The following APBA2 variants were observed in gnomAD, a reference collection of about 807,000 sequenced individuals.
The protein encoded by APBA2 is amyloid-beta A4 precursor protein-binding family A member 2.
APBA2 carries 30 observed loss-of-function variants against 75.0 expected under a neutral mutation model. That is an observed-to-expected ratio of 0.40 (90% confidence interval 0.30 to 0.54). The LOEUF (loss-of-function observed/expected upper bound fraction) is 0.54, where lower values mean the gene tolerates loss of function less well. Among genes scored for constraint, APBA2 ranks in the 20% least tolerant of loss-of-function variants. The pLI is 0.49. For missense variants in APBA2, 801 were observed against 1,016.1 expected, an observed-to-expected ratio of 0.79 and a Z score of 2.88; for synonymous variants, 444 against 409.6, an observed-to-expected ratio of 1.08 and a Z score of -1.01.
At chr15:28,912,346 T>G (rs1451928317) in intron 1 of APBA2, among the ~76,000 whole-genome samples, 1 of 152,224 alleles carries the variant, frequency 6.6e-6, no homozygotes, top group African/African-American at 2.4e-5. Context: ...TCTATCCTTT[T>G]GTGCTTTGAA....
chr15:28,941,161 G>A (rs1314708870), intron 2 of APBA2, among the ~76,000 whole-genome samples: 15 of 152,156 alleles, frequency 9.9e-5, no homozygotes, highest in South Asian at 4.1e-4. Context: ...TATGCAGGCC[G>A]CACTACTGGG....
intron 2 of APBA2, among the ~76,000 whole-genome samples, chr15:28,922,536 T>TCAGTGCAGTGCACAATGGGGCCACA (rs1427522218): frequency 2.0e-5 from 3 of 152,166 alleles, no homozygotes; most frequent in African/African-American, 7.2e-5. Flanking sequence ...GTGGAATATC[T>TCAGTGCAGTGCACAATGGGGCCACA]CAGTGCAGTG....
intron 2 of APBA2, among the ~76,000 whole-genome samples, chr15:28,938,419 T>G (rs993251652): frequency 1.3e-5 from 2 of 152,228 alleles, no homozygotes; most frequent in African/African-American, 2.4e-5. Context: ...ATGCTGACTT[T>G]TGTGTGGGAC....
At chr15:29,113,760 T>C in intron 13 of APBA2, 116 bp from the exon 14 acceptor site, 1 of 1,341,386 alleles carries the variant, frequency 7.5e-7, no homozygotes, top group Non-Finnish European at 1.0e-6. Context: ...GAATTGCACG[T>C]GCACGTATTC....
At chr15:28,904,743 C>T (rs935718136) in intron 1 of APBA2, among the ~76,000 whole-genome samples, 14 of 152,206 alleles carry the variant, frequency 9.2e-5, no homozygotes, top group Admixed American at 7.2e-4. Context: ...GTCTGCAGCA[C>T]GCAGACTCCC....
At chr15:29,086,789 CTTAG>C (rs1388854637) in intron 6 of APBA2, among the ~76,000 whole-genome samples, 1 of 152,196 alleles carries the variant, frequency 6.6e-6, no homozygotes, top group African/African-American at 2.4e-5. Flanking sequence ...TCATTTTTCT[CTTAG>C]TTATTTGGAC....
At chr15:28,938,839 A>G (rs1037265553) in intron 2 of APBA2, among the ~76,000 whole-genome samples, 8 of 152,230 alleles carry the variant, frequency 5.3e-5, no homozygotes, top group African/African-American at 1.9e-4. Flanking sequence ...AAGCATATAC[A>G]TTATTAATTG....
intron 1 of APBA2, among the ~76,000 whole-genome samples, chr15:28,897,821 G>T (rs951337890): frequency 6.6e-6 from 1 of 152,084 alleles, no homozygotes; most frequent in Non-Finnish European, 1.5e-5. Flanking sequence ...AGTGAAATGG[G>T]CATATGGGCA....
intron 1 of APBA2, among the ~76,000 whole-genome samples, chr15:28,897,761 C>G (rs1475562674): frequency 3.3e-5 from 5 of 152,012 alleles, no homozygotes; most frequent in African/African-American, 1.2e-4. Context: ...TTAACTAAAG[C>G]CAAGCTTACA....
chr15:29,089,817 C>G lies in APBA2; in HGVS notation c.1070-3258C>G, dbSNP rs527492199. On this transcript the variant is annotated intron_variant, in intron 6 of 14. Transcript: ENST00000683413. ...TACGGTGTGAAAAGGATAAATCACT[C>G]TCTGGGGAGACAAGATCTTTAAACC... is the stretch of plus-strand genomic sequence containing the variant. Among the ~76,000 whole-genome samples the G allele has an allele frequency of 9.2e-5, 14 of 152,324 alleles. 1 individual carries two copies. In the South Asian group the frequency reaches 1.2e-3, roughly 14 times the overall value.
chr15:28,973,405 A>G (rs2037172604), intron 2 of APBA2, among the ~76,000 whole-genome samples: 1 of 152,226 alleles, frequency 6.6e-6, no homozygotes, highest in Non-Finnish European at 1.5e-5. Flanking sequence ...TTCATCTTTT[A>G]AAATTGTCCA....
chr15:29,113,812 A>G, intron 13 of APBA2, 64 bp from the exon 14 acceptor site: 1 of 1,590,038 alleles, frequency 6.3e-7, no homozygotes, highest in South Asian at 1.1e-5. Flanking sequence ...ATCTTTGGGG[A>G]CGTGGTGGAG....
rs777494565 is a variant in APBA2 at position 29,098,513 on chromosome 15, G to A, written c.1275G>A (p.Thr425=). ...AGAATTCTGAGGGGGATGCCCAGAC[G>A]CTGACGGAAGTGGACCTCTTCATTT... ...KKANSEGDAQ[T]LTEVDLFIST... Residue 425 remains threonine, a synonymous_variant, in exon 9 of 15, where the codon ACG becomes ACA. Transcript: ENST00000683413. The A allele has an allele frequency of 4.3e-5, 70 of 1,613,990 alleles. No homozygotes were observed. Among genetic ancestry groups the A allele is most frequent in the East Asian group, 2.0e-4 (9 of 44,888 alleles).
intron 2 of APBA2, among the ~76,000 whole-genome samples, chr15:28,979,139 C>T (rs1595627867): frequency 6.6e-6 from 1 of 152,232 alleles, no homozygotes; most frequent in African/African-American, 2.4e-5. Context: ...TCCATCCACA[C>T]CCCCTGCCTG....
intron 1 of APBA2, among the ~76,000 whole-genome samples, chr15:28,894,786 T>C (rs1420752475): frequency 4.2e-5 from 6 of 141,648 alleles, no homozygotes; most frequent in African/African-American, 1.6e-4. Flanking sequence ...GGTCAGAGCG[T>C]GGGAGAAGGA....
At chr15:29,116,950 G>A in intron 14 of APBA2, 112 bp from the exon 15 acceptor site, 1 of 1,161,168 alleles carries the variant, frequency 8.6e-7, no homozygotes, top group Admixed American at 1.7e-5. Context: ...CACTCTAGGA[G>A]ATGGGCATTT....
At chr15:29,053,453 A>G (rs1292358097) in intron 3 of APBA2, among the ~76,000 whole-genome samples, 1 of 152,098 alleles carries the variant, frequency 6.6e-6, no homozygotes, top group Non-Finnish European at 1.5e-5. Flanking sequence ...GGTCCTCATT[A>G]TGTCTTCTTA....
intron 1 of APBA2, among the ~76,000 whole-genome samples, chr15:28,897,955 G>A (rs984730893): frequency 6.6e-6 from 1 of 152,136 alleles, no homozygotes; most frequent in Non-Finnish European, 1.5e-5. Flanking sequence ...GAATTATCTG[G>A]GTGGGCCCTA....
At chr15:28,913,899 A>G (rs1165888859) in intron 1 of APBA2, among the ~76,000 whole-genome samples, 2 of 152,152 alleles carry the variant, frequency 1.3e-5, no homozygotes, top group Non-Finnish European at 2.9e-5. Context: ...GCCCCTCCCT[A>G]GAGCCTCCTG....
Sources: gnomAD v4.1 joint callset for allele counts (sites outside exome capture counted in the v4.1 genomes callset) on GRCh38, gnomAD v4.1.1 for gene constraint, MANE v1.5 for transcripts, NCBI Gene and HGNC (gene_info 2026-07-23, HGNC 2026-07-21) for gene names.